Variants in CGNL1 observed in about 807,000 individuals in gnomAD.
CGNL1 encodes the protein cingulin-like protein 1.
A neutral mutation model predicts 141.2 loss-of-function variants in CGNL1; 132 were observed. That is an observed-to-expected ratio of 0.93 (90% CI 0.81 to 1.08). CGNL1 has a LOEUF of 1.08. Among genes scored for constraint, CGNL1 ranks in the 50% least tolerant of loss-of-function variants. The pLI is 0.00. For synonymous variants in CGNL1, 690 were observed against 622.1 expected, an observed-to-expected ratio of 1.11 and a Z score of -1.63; for missense variants, 1,870 against 1,588.6, an observed-to-expected ratio of 1.18 and a Z score of -3.01.
Position 57,439,541 on chromosome 15 carries a change from G to C in CGNL1, c.1542G>C (p.Ser514=), listed in dbSNP as rs377479463. 1 of 1,613,998 alleles carries C rather than the reference G, an allele frequency of 6.2e-7. No homozygotes were observed. Among genetic ancestry groups the C allele is most frequent in the East Asian group, 2.2e-5 (1 of 44,900 alleles). The change falls in exon 2 of 19, where the codon TCG becomes TCC. Residue 514 remains serine (S), a synonymous_variant. Transcript: ENST00000281282. ...LMLQNRATAT[S]PDSGAKKISV... is the part of the protein sequence containing the mutation. ...TACAGAACCGGGCAACAGCAACTTCGCCTGATTCTGGTGCCAAGAAAATTT... is the reference window on the plus strand; with the variant it reads ...TACAGAACCGGGCAACAGCAACTTCCCCTGATTCTGGTGCCAAGAAAATTT...
At chr15:57,498,536 TTTG>T (rs1303382477) in intron 8 of CGNL1, among the ~76,000 whole-genome samples, 2 of 152,120 alleles carry the variant, frequency 1.3e-5, no homozygotes, top group Non-Finnish European at 2.9e-5. Context: ...TTTTTGTTTG[TTTG>T]TTTTTTCTTT....
chr15:57,479,896 A>G (rs2063704099), intron 8 of CGNL1, among the ~76,000 whole-genome samples: 1 of 152,080 alleles, frequency 6.6e-6, no homozygotes, highest in African/African-American at 2.4e-5. Flanking sequence ...TGAGCTAAAT[A>G]TCTAGAGGAT....
intron 8 of CGNL1, among the ~76,000 whole-genome samples, chr15:57,485,935 A>G (rs766544473): frequency 2.0e-5 from 3 of 152,186 alleles, no homozygotes; most frequent in Admixed American, 1.3e-4. Flanking sequence ...AACCTCTCCT[A>G]ATAGTCTAGC....
chr15:57,389,123 G>A (rs774148370), intron 1 of CGNL1, among the ~76,000 whole-genome samples: 16 of 152,220 alleles, frequency 1.1e-4, no homozygotes, highest in Middle Eastern at 3.4e-3. Context: ...GGGCAGCTGG[G>A]CTTTGGAACT....
intron 14 of CGNL1, among the ~76,000 whole-genome samples, chr15:57,539,761 G>A (rs73423558): frequency 0.029 from 4,369 of 152,252 alleles, 220 homozygotes; most frequent in African/African-American, 0.1. Context: ...TGGGGGGTTG[G>A]AGGGGATCCC....
rs761031948 is a variant in CGNL1, at chr15:57,439,577, A to G, written c.1578A>G (p.Thr526=). ...DSGAKKISVK[T]FPSASNTQAT... ...GTGCCAAGAAAATTTCCGTGAAGAC[A>G]TTTCCTTCGGCCTCAAATACTCAGG... The change falls in exon 2 of 19, where the codon ACA becomes ACG. Residue 526 remains threonine (T), a synonymous_variant. Coordinates refer to ENST00000281282, the MANE Select transcript of CGNL1 (RefSeq NM_032866.5). 2 of 1,613,458 alleles carry G rather than the reference A, an allele frequency of 1.2e-6. No homozygotes were observed. The highest frequency in any genetic ancestry group is 1.7e-5 in the Admixed American group (1 of 60,016).
At chr15:57,498,213 A>G (rs1025887806) in intron 8 of CGNL1, among the ~76,000 whole-genome samples, 1 of 144,792 alleles carries the variant, frequency 6.9e-6, no homozygotes, top group Admixed American at 6.9e-5. Context: ...TTTTCACATC[A>G]GTTGCTCATA....
intron 1 of CGNL1, among the ~76,000 whole-genome samples, chr15:57,426,365 G>A (rs12905505): frequency 6.6e-6 from 1 of 151,540 alleles, no homozygotes; most frequent in Admixed American, 6.6e-5. Flanking sequence ...GGCTGGTCTT[G>A]AACTCCTGAC....
intron 8 of CGNL1, among the ~76,000 whole-genome samples, chr15:57,491,945 A>G (rs2063870128): frequency 6.6e-6 from 1 of 152,186 alleles, no homozygotes; most frequent in Admixed American, 6.5e-5. Context: ...GGAAAGTCTG[A>G]GGAGCTGTCA....
At chr15:57,529,559 A>AAAAC (rs1308565312) in intron 13 of CGNL1, among the ~76,000 whole-genome samples, 3 of 137,924 alleles carry the variant, frequency 2.2e-5, no homozygotes, top group African/African-American at 8.6e-5. Flanking sequence ...AACCCCCAGA[A>AAAAC]ACACACACAC....
intron 8 of CGNL1, among the ~76,000 whole-genome samples, chr15:57,492,072 T>C (rs2063872459): frequency 6.6e-6 from 1 of 152,230 alleles, no homozygotes; most frequent in African/African-American, 2.4e-5. Flanking sequence ...TTCCAGATAT[T>C]TCCAGTCAGA....
rs1478739224 is a variant in CGNL1 at position 57,543,745 on chromosome 15, A to T, written c.3341A>T (p.Asp1114Val). Residue 1114 changes from aspartate to valine, a missense_variant, in exon 15 of 19, where the codon GAC (aspartate) becomes GTC (valine). Transcript: ENST00000281282. ...CTTCAGGAGAGAGCTGCGAGACAAG[A>T]CTTGGAGTGCGACAAGATTTCCCTG... The part of the protein sequence containing the change: ...ELLQERAARQ[D>V]LECDKISLER... The T allele has an allele frequency of 6.2e-7, 1 of 1,613,970 alleles. No homozygotes were observed. The highest frequency in any genetic ancestry group is 8.5e-7 in the Non-Finnish European group (1 of 1,180,000).
intron 7 of CGNL1, among the ~76,000 whole-genome samples, chr15:57,457,534 A>T (rs2063394396): frequency 6.6e-6 from 1 of 152,178 alleles, no homozygotes; most frequent in African/African-American, 2.4e-5. Context: ...TGCTGCTGAT[A>T]AAGACATACC....
chr15:57,500,393 C>G (rs1470214391), intron 8 of CGNL1, among the ~76,000 whole-genome samples: 2 of 152,182 alleles, frequency 1.3e-5, no homozygotes, highest in South Asian at 4.1e-4. Flanking sequence ...AAGTTGGCAT[C>G]AAGGCCATCA....
chr15:57,488,766 T>C (rs2063819292), intron 8 of CGNL1, among the ~76,000 whole-genome samples: 1 of 152,224 alleles, frequency 6.6e-6, no homozygotes, highest in South Asian at 2.1e-4. Flanking sequence ...ATGGGTGATA[T>C]TTTGAAAGCT....
At position 57,523,584 on chromosome 15, in the gene CGNL1, CGAGATGGAGAAT is replaced by C; in HGVS notation, c.2815_2826del (p.Met939_Glu942del). 2 of 1,614,030 alleles carry C rather than the reference CGAGATGGAGAAT, an allele frequency of 1.2e-6. No homozygotes were observed. The highest frequency in any genetic ancestry group is 1.7e-6 in the Non-Finnish European group (2 of 1,180,006). On this transcript the variant is annotated inframe_deletion, in exon 11 of 19. Coordinates refer to ENST00000281282, the MANE Select transcript of CGNL1 (RefSeq NM_032866.5). ...AGGAGCAGCTAAGAAGGTTGAAGAA[CGAGATGGAGAAT>C]GAGCGGTGGCACCTGGGCAAAACCA...
At chr15:57,410,453 C>G (rs1287479343) in intron 1 of CGNL1, among the ~76,000 whole-genome samples, 2 of 152,274 alleles carry the variant, frequency 1.3e-5, no homozygotes, top group South Asian at 4.1e-4. Flanking sequence ...CTGGGGCTGA[C>G]TGCCATCATC....
At chr15:57,500,428 C>T (rs925420107) in intron 8 of CGNL1, among the ~76,000 whole-genome samples, 5 of 152,172 alleles carry the variant, frequency 3.3e-5, no homozygotes, top group African/African-American at 1.2e-4. Flanking sequence ...CTGAGATGTC[C>T]CTGTGTGACT....
At chr15:57,503,999 C>T (rs2064064684) in intron 8 of CGNL1, among the ~76,000 whole-genome samples, 2 of 152,154 alleles carry the variant, frequency 1.3e-5, no homozygotes, top group South Asian at 4.1e-4. Flanking sequence ...CAGCTGCCCC[C>T]TGTGCCCTGC....
Sources: gnomAD v4.1 joint callset for allele counts (sites outside exome capture counted in the v4.1 genomes callset) on GRCh38, gnomAD v4.1.1 for gene constraint, MANE v1.5 for transcripts, NCBI Gene and HGNC (gene_info 2026-07-23, HGNC 2026-07-21) for gene names.